Variants in TLE4 observed in about 807,000 individuals in gnomAD.
TLE4 encodes TLE family member 4, transcriptional corepressor, also known as transducin-like enhancer protein 4.
TLE4 carries 8 observed loss-of-function variants against 92.8 expected under a neutral mutation model. The observed-to-expected ratio is 0.09, with a 90% CI of 0.05 to 0.16. TLE4 has a LOEUF of 0.16. Ranked by LOEUF, TLE4 falls within the 10% of genes least tolerant of loss-of-function variation. The probability of loss-of-function intolerance (pLI) is 1.00; values close to 1 mark genes in which losing one functional copy is unlikely to be tolerated. For synonymous variants in TLE4, 371 were observed against 374.1 expected, an observed-to-expected ratio of 0.99 and a Z score of 0.10; for missense variants, 675 against 997.6, an observed-to-expected ratio of 0.68 and a Z score of 4.36.
rs1203613058 is a variant in TLE4 at position 79,708,220 on chromosome 9, C to A, written c.1039C>A (p.Pro347Thr). The A allele has an allele frequency of 3.1e-6, 5 of 1,614,022 alleles. No homozygotes were observed. Among genetic ancestry groups the A allele is most frequent in the Non-Finnish European group, 4.2e-6 (5 of 1,180,030 alleles). Residue 347 changes from proline (P) to threonine (T), a missense_variant, in exon 12 of 20, where the codon CCT becomes ACT. By Grantham distance (38) the Pro-to-Thr change is conservative (BLOSUM62 -1). Transcript: ENST00000376552. ...SNSTPGLRPV[P>T]GKPPGVDPLA... ...CTCTACTCCCGGATTGAGGCCTGTA[C>A]CTGGAAAACCACCAGGAGTTGACCC...
chr9:79,604,232 A>G (rs2046325566), intron 4 of TLE4, among the ~76,000 whole-genome samples: 1 of 152,114 alleles, frequency 6.6e-6, no homozygotes, highest in African/African-American at 2.4e-5. Flanking sequence ...AGGTGGTTCC[A>G]GGTAGAGGGA....
Position 79,652,679 on chromosome 9 carries a change from C to T in TLE4, c.477C>T (p.Ala159=). The T allele has an allele frequency of 1.2e-6, 2 of 1,614,240 alleles. No homozygotes were observed. The highest frequency in any genetic ancestry group is 2.2e-5 in the South Asian group (2 of 91,084). ...TPHPSGLQPP[A]IPPIGSSAGL... is the part of the protein sequence containing the mutation. ...ACCCTTCAGGGCTCCAGCCCCCTGC[C>T]ATTCCACCCATCGGTAGCAGTGCCG... Residue 159 remains alanine, a synonymous_variant, in exon 7 of 20, where the codon GCC becomes GCT. Coordinates refer to ENST00000376552, the MANE Select transcript of TLE4 (RefSeq NM_007005.6).
chr9:79,641,710 G>T (rs774513815), intron 6 of TLE4, among the ~76,000 whole-genome samples: 4 of 152,286 alleles, frequency 2.6e-5, no homozygotes, highest in Non-Finnish European at 5.9e-5. Context: ...TTTTATGAAT[G>T]AATGATTGCT....
In TLE4 at chr9:79,616,406, T is replaced by C. The variant is rs770579396; in HGVS notation, c.315+3688T>C. ...TATACCCAGGTAGCTTAGCACACAATAAGCACCTACTGCCGTTGACTAGTG... is the reference window on the plus strand; with the variant it reads ...TATACCCAGGTAGCTTAGCACACAACAAGCACCTACTGCCGTTGACTAGTG... On this transcript the variant is annotated intron_variant, in intron 5 of 19. Coordinates refer to ENST00000376552, the MANE Select transcript of TLE4 (RefSeq NM_007005.6). Among the ~76,000 whole-genome samples the C allele has an allele frequency of 4.6e-5, 7 of 152,276 alleles. 1 individual carries two copies. The South Asian group carries it at 6.2e-4, about 14-fold the overall frequency.
chr9:79,698,394 A>AT, intron 8 of TLE4, among the ~76,000 whole-genome samples: 1 of 152,326 alleles, frequency 6.6e-6, no homozygotes, highest in East Asian at 1.9e-4. Context: ...ACAATAGAAC[A>AT]TTTTAAAGAA....
At chr9:79,592,201 T>C (rs868497037) in intron 4 of TLE4, among the ~76,000 whole-genome samples, 38 of 138,254 alleles carry the variant, frequency 2.7e-4, no homozygotes, top group African/African-American at 1.1e-3. Flanking sequence ...CTTCTTCTTC[T>C]TCTTCTTCTT....
intron 8 of TLE4, among the ~76,000 whole-genome samples, chr9:79,666,689 T>G (rs2061461309): frequency 6.6e-6 from 1 of 152,254 alleles, no homozygotes; most frequent in African/African-American, 2.4e-5. Flanking sequence ...AGCACTTTAA[T>G]TAGTGTTGTA....
At chr9:79,715,678 G>C (rs2074350505) in intron 14 of TLE4, among the ~76,000 whole-genome samples, 1 of 152,046 alleles carries the variant, frequency 6.6e-6, no homozygotes. Context: ...TTAAAGACTT[G>C]ATACATGGCT....
Position 79,708,573 on chromosome 9 carries a change from C to T in TLE4, c.1070-20C>T. On this transcript the variant is annotated intron_variant, in intron 12 of 19. Coordinates refer to ENST00000376552, the MANE Select transcript of TLE4 (RefSeq NM_007005.6). ...GTTTCCTGTGTTCTTCATTTTTCTT[C>T]CATCCATTTTGGTTTGCAGCCTCAA... 1 of 1,595,288 alleles carries T rather than the reference C, an allele frequency of 6.3e-7. No individual in the cohort carries two copies. The highest frequency in any genetic ancestry group is 8.5e-7 in the Non-Finnish European group (1 of 1,169,916).
intron 8 of TLE4, among the ~76,000 whole-genome samples, chr9:79,685,880 G>A (rs2065736894): frequency 6.6e-6 from 1 of 152,148 alleles, no homozygotes; most frequent in Admixed American, 6.5e-5. Flanking sequence ...TGAGACATTA[G>A]TGATTCACAA....
intron 1 of TLE4, chr9:79,573,111 G>T: frequency 2.6e-6 from 1 of 390,664 alleles, no homozygotes; most frequent in Non-Finnish European, 3.5e-6. Flanking sequence ...TCCCCGCGCC[G>T]CGACTCCTCG....
In TLE4 at chr9:79,699,081, A is replaced by T. The variant is rs73652236; in HGVS notation, c.610-5702A>T. Among the ~76,000 whole-genome samples the T allele has an allele frequency of 1.9e-3, 292 of 152,202 alleles. 1 individual carries two copies. The highest frequency in any genetic ancestry group is 6.8e-3 in the African/African-American group (282 of 41,544). On this transcript the variant is annotated intron_variant, in intron 8 of 19. Transcript: ENST00000376552. ...GTTTATTCAGGATATTACTTTCCAA[A>T]CTTACTCAAAGTAGTTCCAAAAAAA...
intron 6 of TLE4, among the ~76,000 whole-genome samples, chr9:79,647,345 A>G (rs952427112): frequency 1.3e-5 from 2 of 152,148 alleles, no homozygotes; most frequent in African/African-American, 4.8e-5. Flanking sequence ...GTTCAGGGAA[A>G]GTTTAGTGGT....
chr9:79,614,697 G>A (rs1260576756), intron 5 of TLE4, among the ~76,000 whole-genome samples: 1 of 152,180 alleles, frequency 6.6e-6, no homozygotes, highest in Non-Finnish European at 1.5e-5. Context: ...TGCCAAGCTT[G>A]TGCAACCCCA....
At chr9:79,601,438 G>C (rs1183977726) in intron 4 of TLE4, 2 of 456,084 alleles carry the variant, frequency 4.4e-6, no homozygotes, top group Non-Finnish European at 8.8e-6. Context: ...CAAATTGAAG[G>C]CTGTAGCAAC....
intron 8 of TLE4, among the ~76,000 whole-genome samples, chr9:79,655,215 C>T (rs1320676535): frequency 6.6e-6 from 1 of 152,162 alleles, no homozygotes; most frequent in East Asian, 1.9e-4. Flanking sequence ...TTACATATGC[C>T]ATTGTGTTAC....
chr9:79,648,859 AT>A (rs2058494124), intron 6 of TLE4, among the ~76,000 whole-genome samples: 3 of 152,192 alleles, frequency 2.0e-5, no homozygotes, highest in Admixed American at 1.3e-4. Flanking sequence ...AAAAGTTAGA[AT>A]GGGGGTGTCA....
intron 8 of TLE4, among the ~76,000 whole-genome samples, chr9:79,693,853 G>T (rs567900309): frequency 6.6e-6 from 1 of 152,278 alleles, no homozygotes; most frequent in African/African-American, 2.4e-5. Flanking sequence ...ATTTCTCTGT[G>T]TGGTGAGTGA....
intron 8 of TLE4, among the ~76,000 whole-genome samples, chr9:79,655,216 A>G (rs1326704812): frequency 6.6e-6 from 1 of 152,212 alleles, no homozygotes. Context: ...TACATATGCC[A>G]TTGTGTTACT....
Sources: gnomAD v4.1 joint callset for allele counts (sites outside exome capture counted in the v4.1 genomes callset) on GRCh38, gnomAD v4.1.1 for gene constraint, MANE v1.5 for transcripts, NCBI Gene and HGNC (gene_info 2026-07-23, HGNC 2026-07-21) for gene names.